The following TAF4B variants were observed in gnomAD, a reference collection of about 807,000 sequenced individuals.
TAF4B encodes TATA-box binding protein associated factor 4b.
Under a neutral mutation model 86.4 loss-of-function variants are expected in TAF4B, and 38 were observed. The ratio of observed to expected loss-of-function variants is 0.44; its 90% CI spans 0.34 to 0.58. The LOEUF is 0.58. Among genes scored for constraint, TAF4B ranks in the 20% least tolerant of loss-of-function variants. The pLI is 0.02. For missense variants in TAF4B, 988 were observed against 1,027.6 expected (o/e 0.96, Z 0.53); for synonymous variants, 388 against 391.2 (o/e 0.99, Z 0.10).
At chr18:26,338,709 G>A (rs1027115087) in intron 13 of TAF4B, among the ~76,000 whole-genome samples, 1 of 151,696 alleles carries the variant, frequency 6.6e-6, no homozygotes, top group African/African-American at 2.4e-5. Context: ...AACTCCCGAC[G>A]TCAGGTGATC....
At chr18:26,253,319 G>A (rs1598727977) in intron 1 of TAF4B, among the ~76,000 whole-genome samples, 1 of 152,134 alleles carries the variant, frequency 6.6e-6, no homozygotes, top group Admixed American at 6.5e-5. Context: ...TGCTTGTTCC[G>A]CATCTGTTGA....
intron 1 of TAF4B, among the ~76,000 whole-genome samples, chr18:26,262,019 C>G (rs971054203): frequency 2.6e-5 from 4 of 152,152 alleles, no homozygotes; most frequent in Admixed American, 2.0e-4. Context: ...GCTCACCTCT[C>G]CCAACATGGA....
chr18:26,330,129 G>A (rs1180642601), intron 12 of TAF4B, among the ~76,000 whole-genome samples: 1 of 152,026 alleles, frequency 6.6e-6, no homozygotes, highest in South Asian at 2.1e-4. Flanking sequence ...CTGTTGTGAT[G>A]TCTGCCTAAA....
intron 9 of TAF4B, among the ~76,000 whole-genome samples, chr18:26,297,322 T>TA (rs2144624184): frequency 6.6e-6 from 1 of 152,204 alleles, no homozygotes; most frequent in Admixed American, 6.5e-5. Context: ...TTGGCACTGT[T>TA]AAGGTTCTGG....
chr18:26,366,355 A>T (rs1272643263), intron 14 of TAF4B: 1 of 152,194 alleles, frequency 6.6e-6, no homozygotes. Context: ...GGACCATGCT[A>T]ATCTTTTCTG....
At chr18:26,379,848 G>A (rs2057466307) in intron 14 of TAF4B, among the ~76,000 whole-genome samples, 1 of 151,988 alleles carries the variant, frequency 6.6e-6, no homozygotes, top group Admixed American at 6.6e-5. Context: ...TTATCTCAAT[G>A]TTTTAGTTTT....
At chr18:26,337,845 G>T (rs1408868669) in intron 13 of TAF4B, among the ~76,000 whole-genome samples, 1 of 152,060 alleles carries the variant, frequency 6.6e-6, no homozygotes, top group Admixed American at 6.6e-5. Context: ...TGAATTTTTG[G>T]TATTTGGCTG....
intron 9 of TAF4B, among the ~76,000 whole-genome samples, chr18:26,299,475 C>G (rs1425058307): frequency 6.6e-6 from 1 of 151,736 alleles, no homozygotes; most frequent in Admixed American, 6.6e-5. Flanking sequence ...GCGATTTGGT[C>G]TATAGTTTTT....
At chr18:26,342,253 G>A (rs892325303) in intron 13 of TAF4B, among the ~76,000 whole-genome samples, 1 of 152,112 alleles carries the variant, frequency 6.6e-6, no homozygotes, top group Admixed American at 6.5e-5. Context: ...ATTTGGTGGT[G>A]TGATTATTTT....
intron 12 of TAF4B, among the ~76,000 whole-genome samples, chr18:26,333,064 A>T (rs950282130): frequency 5.3e-5 from 8 of 151,528 alleles, no homozygotes; most frequent in African/African-American, 1.5e-4. Flanking sequence ...TGTTGTTTAG[A>T]TATCTACTCA....
At chr18:26,259,297 T>C (rs913528958) in intron 1 of TAF4B, among the ~76,000 whole-genome samples, 3 of 152,054 alleles carry the variant, frequency 2.0e-5, no homozygotes, top group African/African-American at 7.2e-5. Flanking sequence ...CTTTTTTTTT[T>C]ATTATACTTT....
At chr18:26,327,390 A>G (rs1214332853) in intron 12 of TAF4B, among the ~76,000 whole-genome samples, 2 of 152,210 alleles carry the variant, frequency 1.3e-5, no homozygotes, top group African/African-American at 4.8e-5. Flanking sequence ...AAACCCAGGT[A>G]AAATGTTTCG....
At chr18:26,307,711 C>G (rs2144649913) in intron 9 of TAF4B, among the ~76,000 whole-genome samples, 1 of 152,178 alleles carries the variant, frequency 6.6e-6, no homozygotes, top group East Asian at 1.9e-4. Context: ...GATGGTATTA[C>G]TCCATCAATT....
chr18:26,265,449 TG>T (rs1280109224), intron 2 of TAF4B, 134 bp downstream of exon 2: 2 of 1,005,446 alleles, frequency 2.0e-6, no homozygotes, highest in East Asian at 5.9e-5. Context: ...CAGCTTGCCT[TG>T]AATATGTCAA....
chr18:26,376,854 A>G lies in TAF4B; in HGVS notation c.2422-12991A>G, dbSNP rs1378768805. Among the ~76,000 whole-genome samples the G allele has an allele frequency of 2.0e-5, 3 of 152,020 alleles. No homozygotes were observed. The East Asian group carries it at 5.8e-4, about 29-fold the overall frequency. Reference sequence around the variant, plus strand: ...TTAAGGTTGAGGAGGTTTCCCTTCTATATTTATGGTTTGTTTAGTCTTTTT... The same window carrying G: ...TTAAGGTTGAGGAGGTTTCCCTTCTGTATTTATGGTTTGTTTAGTCTTTTT... On this transcript the variant is annotated intron_variant, in intron 14 of 14. Transcript: ENST00000269142.
intron 1 of TAF4B, chr18:26,255,580 C>T: frequency 3.4e-6 from 2 of 596,250 alleles, no homozygotes; most frequent in East Asian, 5.5e-5. Flanking sequence ...CCAGCCTGGA[C>T]AACAAGAGCA....
intron 14 of TAF4B, among the ~76,000 whole-genome samples, chr18:26,376,104 A>G (rs564883575): frequency 3.3e-5 from 5 of 152,094 alleles, no homozygotes; most frequent in Non-Finnish European, 7.4e-5. Flanking sequence ...CTTGAGTACT[A>G]TAACTTTGTA....
chr18:26,242,112 A>G (rs9676207), intron 1 of TAF4B, among the ~76,000 whole-genome samples: 98,412 of 152,000 alleles, frequency 0.65, 34,083 homozygotes, highest in African/African-American at 0.88. Context: ...TGCTTGGTGC[A>G]GAGCTGAGTT....
At chr18:26,259,447 C>T (rs1008884926) in intron 1 of TAF4B, among the ~76,000 whole-genome samples, 23 of 151,442 alleles carry the variant, frequency 1.5e-4, no homozygotes, top group Admixed American at 2.6e-4. Context: ...TCCCACCCCG[C>T]GACAGGCCCC....
Sources: allele counts gnomAD v4.1 joint callset (sites outside exome capture counted in the v4.1 genomes callset), GRCh38; gene constraint gnomAD v4.1.1; transcripts MANE v1.5; gene names NCBI Gene and HGNC (gene_info 2026-07-23, HGNC 2026-07-21).